FNDC3B: variants seen among roughly 807,000 people sequenced by gnomAD.
FNDC3B encodes fibronectin type III domain containing 3B.
Under a neutral mutation model 151.5 loss-of-function variants are expected in FNDC3B, and 12 were observed. The observed-to-expected ratio is 0.08, with a 90% CI of 0.05 to 0.13. FNDC3B has a LOEUF of 0.13. Ranked by LOEUF, FNDC3B falls within the 10% of genes least tolerant of loss-of-function variation. The pLI is 1.00. For synonymous variants in FNDC3B, 528 were observed against 549.0 expected (o/e 0.96, Z 0.54); for missense variants, 1,214 against 1,505.3 (o/e 0.81, Z 3.20).
intron 1 of FNDC3B, among the ~76,000 whole-genome samples, chr3:172,070,672 A>G (rs1277128831): frequency 6.6e-6 from 1 of 152,214 alleles, no homozygotes; most frequent in Non-Finnish European, 1.5e-5. Flanking sequence ...GAGCTTTTTA[A>G]AAACATTGTA....
intron 11 of FNDC3B, among the ~76,000 whole-genome samples, chr3:172,315,382 G>GA (rs1310641946): frequency 1.3e-5 from 2 of 151,624 alleles, no homozygotes; most frequent in South Asian, 2.1e-4. Context: ...TCTCTGAAAA[G>GA]AAAAAAAAGG....
intron 3 of FNDC3B, among the ~76,000 whole-genome samples, chr3:172,143,380 T>G (rs1385789743): frequency 1.3e-5 from 2 of 152,172 alleles, no homozygotes; most frequent in East Asian, 3.8e-4. Context: ...TTTAATAACT[T>G]TATTTTGGGG....
At chr3:172,298,365 G>A (rs1429055507) in intron 8 of FNDC3B, among the ~76,000 whole-genome samples, 4 of 152,124 alleles carry the variant, frequency 2.6e-5, no homozygotes, top group Admixed American at 2.0e-4. Flanking sequence ...AGGTAAGTGT[G>A]GAAAGTGCCT....
chr3:172,369,857 C>A (rs771719199), intron 23 of FNDC3B, among the ~76,000 whole-genome samples: 31 of 152,094 alleles, frequency 2.0e-4, no homozygotes, highest in Non-Finnish European at 3.7e-4. Flanking sequence ...ATTTTGAGCA[C>A]CGTTCGTTCC....
chr3:172,277,608 T>A (rs936323315), intron 6 of FNDC3B, among the ~76,000 whole-genome samples: 1 of 152,208 alleles, frequency 6.6e-6, no homozygotes, highest in African/African-American at 2.4e-5. Context: ...ATAGTACTGC[T>A]CCAGCTTTTC....
intron 1 of FNDC3B, among the ~76,000 whole-genome samples, chr3:172,095,262 T>G (rs1719042253): frequency 6.6e-6 from 1 of 152,170 alleles, no homozygotes; most frequent in Non-Finnish European, 1.5e-5. Flanking sequence ...AAGCCTCTGA[T>G]CTACTAGGGA....
At chr3:172,180,762 A>G (rs572715119) in intron 3 of FNDC3B, among the ~76,000 whole-genome samples, 17 of 152,314 alleles carry the variant, frequency 1.1e-4, no homozygotes, top group African/African-American at 4.1e-4. Context: ...CCATATAGGA[A>G]AGAGCCCATA....
intron 6 of FNDC3B, among the ~76,000 whole-genome samples, chr3:172,252,886 C>T (rs1209585957): frequency 6.6e-6 from 1 of 152,150 alleles, no homozygotes; most frequent in Non-Finnish European, 1.5e-5. Flanking sequence ...GAGACTTTTA[C>T]ACAACTCTTA....
chr3:172,082,778 T>A (rs1015993510), intron 1 of FNDC3B, among the ~76,000 whole-genome samples: 5 of 152,192 alleles, frequency 3.3e-5, no homozygotes, highest in African/African-American at 1.2e-4. Flanking sequence ...ACTCTTCTTT[T>A]CTCTGAAGTG....
Position 172,251,278 on chromosome 3 carries a change from G to T in FNDC3B, c.527G>T (p.Gly176Val). Residue 176 changes from glycine (G) to valine (V), a missense_variant, in exon 6 of 26, where the codon GGA (glycine) becomes GTA (valine). Around this residue, in one of 7 missense-constraint regions of FNDC3B, gnomAD observed 166 missense variants for 173.2 expected, o/e 0.96. Transcript: ENST00000415807. ...YGEQEIIPFYGMSTYITREDQ... is the reference protein window; with the variant it reads ...YGEQEIIPFYVMSTYITREDQ... Reference sequence around the variant, plus strand: ...ATTTTAGAAATTATACCATTTTATGGAATGTCAACCTACATCACCCGAGAA... The same window carrying T: ...ATTTTAGAAATTATACCATTTTATGTAATGTCAACCTACATCACCCGAGAA... 1 of 1,610,906 alleles carries T rather than the reference G, an allele frequency of 6.2e-7. No individual in the cohort carries two copies. The highest frequency in any genetic ancestry group is 8.5e-7 in the Non-Finnish European group (1 of 1,177,640).
chr3:172,262,097 A>G (rs1728675669), intron 6 of FNDC3B, among the ~76,000 whole-genome samples: 1 of 152,256 alleles, frequency 6.6e-6, no homozygotes, highest in Admixed American at 6.5e-5. Flanking sequence ...AGAACAGGAA[A>G]ACAAGTGGAA....
chr3:172,097,831 TA>T, intron 1 of FNDC3B, among the ~76,000 whole-genome samples: 1 of 152,298 alleles, frequency 6.6e-6, no homozygotes, highest in African/African-American at 2.4e-5. Flanking sequence ...TGGATACACA[TA>T]TCTTTTATTT....
At chr3:172,190,574 T>G (rs1309786567) in intron 3 of FNDC3B, among the ~76,000 whole-genome samples, 1 of 152,256 alleles carries the variant, frequency 6.6e-6, no homozygotes, top group African/African-American at 2.4e-5. Flanking sequence ...AATGGTTCAG[T>G]TTATTTTATT....
chr3:172,303,655 G>C (rs1731046353), intron 9 of FNDC3B, among the ~76,000 whole-genome samples: 1 of 151,828 alleles, frequency 6.6e-6, no homozygotes, highest in African/African-American at 2.4e-5. Context: ...TTTAACCCAA[G>C]AAACTGACCG....
chr3:172,390,725 G>C (rs888039453), intron 25 of FNDC3B, among the ~76,000 whole-genome samples: 31 of 152,034 alleles, frequency 2.0e-4, no homozygotes, highest in African/African-American at 7.5e-4. Flanking sequence ...CATTTGTGGG[G>C]ATAGGTTATT....
At chr3:172,231,601 T>G (rs1726893134) in intron 4 of FNDC3B, among the ~76,000 whole-genome samples, 1 of 152,156 alleles carries the variant, frequency 6.6e-6, no homozygotes, top group East Asian at 1.9e-4. Context: ...TGTTGTGCAC[T>G]GTGCTAAATG....
intron 22 of FNDC3B, among the ~76,000 whole-genome samples, chr3:172,356,809 CA>C (rs1406798827): frequency 6.6e-6 from 1 of 152,026 alleles, no homozygotes; most frequent in Non-Finnish European, 1.5e-5. Flanking sequence ...TAATCTAGGG[CA>C]GGGGTGTTGT....
rs1344387253 is a variant in FNDC3B, at chr3:172,341,215, C to T, written c.1955C>T (p.Thr652Ile). ...LYKLRACCIS[T>I]GGHSQCSESL... ...AAACTCCGAGCATGCTGCATCAGTACCGGCGGACACAGCCAGGTTGGTTTT... is the reference window on the plus strand; with the variant it reads ...AAACTCCGAGCATGCTGCATCAGTATCGGCGGACACAGCCAGGTTGGTTTT... The change falls in exon 17 of 26, where the codon ACC becomes ATC. Residue 652 changes from threonine to isoleucine, a missense_variant. Physicochemically the swap from Thr to Ile is moderately conservative, Grantham distance 89. Coordinates refer to ENST00000415807, the MANE Select transcript of FNDC3B (RefSeq NM_022763.4). 6.2e-7 allele frequency: 1 copy of T among 1,613,642 alleles called. No homozygotes were observed. Among genetic ancestry groups the T allele is most frequent in the Non-Finnish European group, 8.5e-7 (1 of 1,179,636 alleles).
Position 172,040,386 on chromosome 3 carries a change from C to T in FNDC3B, c.-29+615C>T, listed in dbSNP as rs967123580. Among the ~76,000 whole-genome samples the T allele has an allele frequency of 6.6e-6, 1 of 151,844 alleles. No homozygotes were observed. The highest frequency in any genetic ancestry group is 1.5e-5 in the Non-Finnish European group (1 of 67,894). On this transcript the variant is annotated intron_variant, in intron 1 of 25. Coordinates refer to ENST00000415807, the MANE Select transcript of FNDC3B (RefSeq NM_022763.4). The surrounding 1 kb of genome is among the most constrained non-coding windows in gnomAD (Gnocchi z 6.6). ...CGCGGGGAGGGTCCCGAGCCCGCGC[C>T]GGCCTGGCCCCCCCGTCCCCGGCTG... is the stretch of plus-strand genomic sequence containing the variant.
Sources: allele counts gnomAD v4.1 joint callset (sites outside exome capture counted in the v4.1 genomes callset), GRCh38; gene constraint gnomAD v4.1.1; regional missense constraint gnomAD v4.1.1; non-coding constraint Gnocchi (gnomAD v3.1); transcripts MANE v1.5; gene names NCBI Gene and HGNC (gene_info 2026-07-23, HGNC 2026-07-21).